GUCY1B1: variants seen among roughly 807,000 people sequenced by gnomAD.
GUCY1B1 encodes guanylate cyclase soluble subunit beta-1.
A neutral mutation model predicts 71.0 loss-of-function variants in GUCY1B1; 43 were observed. The observed-to-expected ratio is 0.61, with a 90% CI of 0.47 to 0.78. GUCY1B1 has a LOEUF of 0.78. Among genes scored for constraint, GUCY1B1 ranks in the 30% least tolerant of loss-of-function variants. The probability of loss-of-function intolerance (pLI) is 0.00; values close to 1 mark genes in which losing one functional copy is unlikely to be tolerated. For missense variants in GUCY1B1, 535 were observed against 754.1 expected (o/e 0.71, Z 3.40); for synonymous variants, 266 against 259.7 (o/e 1.02, Z -0.23).
intron 4 of GUCY1B1, among the ~76,000 whole-genome samples, chr4:155,785,849 T>C (rs1306296266): frequency 1.3e-5 from 2 of 152,194 alleles, no homozygotes; most frequent in African/African-American, 4.8e-5. Flanking sequence ...TCTTTTATGA[T>C]TCAGGAGAGC....
chr4:155,790,634 CA>C (rs1473455520), intron 5 of GUCY1B1, among the ~76,000 whole-genome samples: 2 of 152,076 alleles, frequency 1.3e-5, no homozygotes, highest in African/African-American at 4.8e-5. Context: ...AACTTGAGGC[CA>C]AAGTGGGGAG....
At chr4:155,768,463 T>G (rs914861387) in intron 2 of GUCY1B1, among the ~76,000 whole-genome samples, 32 of 151,142 alleles carry the variant, frequency 2.1e-4, no homozygotes, top group South Asian at 6.2e-4. Context: ...TTTGTTTTTT[T>G]TTTTTTTTTT....
chr4:155,768,772 C>T (rs961451340), intron 2 of GUCY1B1, among the ~76,000 whole-genome samples: 4 of 152,104 alleles, frequency 2.6e-5, no homozygotes, highest in African/African-American at 7.2e-5. Context: ...GAAACTATTT[C>T]ACTTATACGT....
At chr4:155,773,879 C>T (rs926197427) in intron 2 of GUCY1B1, among the ~76,000 whole-genome samples, 19 of 152,096 alleles carry the variant, frequency 1.2e-4, no homozygotes, top group Admixed American at 8.5e-4. Flanking sequence ...AGCAGAGAGA[C>T]GGTTTCACCG....
At chr4:155,786,465 T>C (rs1231389665) in intron 4 of GUCY1B1, among the ~76,000 whole-genome samples, 6 of 102,096 alleles carry the variant, frequency 5.9e-5, no homozygotes, top group East Asian at 5.4e-4. Context: ...TTCTTTCTTT[T>C]TTTTTTTTTT....
At chr4:155,782,145 G>T (rs967123739) in intron 4 of GUCY1B1, among the ~76,000 whole-genome samples, 3 of 151,932 alleles carry the variant, frequency 2.0e-5, no homozygotes, top group Non-Finnish European at 2.9e-5. Context: ...GCGCAGTCTC[G>T]GCTCACTGCA....
In GUCY1B1 at chr4:155,806,668, A is replaced by T; in HGVS notation, c.*259A>T. 2.5e-6 allele frequency: 1 copy of T among 398,036 alleles called. No homozygotes were observed. The highest frequency in any genetic ancestry group is 4.5e-6 in the Non-Finnish European group (1 of 223,542). The allele number at this position is 398,036 out of a possible 1,614,324, so 24.7% of individuals were successfully genotyped here. A position where few individuals can be genotyped will look rare whatever the true frequency, so the allele number is the denominator to read the frequency against. The stretch of plus-strand genomic sequence containing the variant: ...TGATGTGAGCTTCATGTGTCTTAAA[A>T]TCTACTACAAGCATTACCTAACATG... On this transcript the variant is annotated 3_prime_UTR_variant, in exon 14 of 14. Coordinates refer to ENST00000264424, the MANE Select transcript of GUCY1B1 (RefSeq NM_000857.5).
chr4:155,764,958 T>C (rs1737231485), intron 2 of GUCY1B1, among the ~76,000 whole-genome samples: 1 of 152,146 alleles, frequency 6.6e-6, no homozygotes, highest in African/African-American at 2.4e-5. Context: ...GTTCTGATGA[T>C]CTGAGGTATC....
At chr4:155,799,000 G>A (rs960069627) in intron 8 of GUCY1B1, among the ~76,000 whole-genome samples, 1 of 152,032 alleles carries the variant, frequency 6.6e-6, no homozygotes, top group Admixed American at 6.6e-5. Flanking sequence ...ACCACACCCA[G>A]CTCATTTTTG....
intron 2 of GUCY1B1, among the ~76,000 whole-genome samples, chr4:155,767,635 G>A (rs900842966): frequency 2.0e-5 from 3 of 152,052 alleles, no homozygotes; most frequent in South Asian, 2.1e-4. Flanking sequence ...GACATGAAAG[G>A]ACTGACCTTT....
Position 155,802,478 on chromosome 4 carries a change from G to A in GUCY1B1, c.1312G>A (p.Ala438Thr). The A allele has an allele frequency of 6.2e-7, 1 of 1,613,680 alleles. No homozygotes were observed. Among genetic ancestry groups the A allele is most frequent in the Non-Finnish European group, 8.5e-7 (1 of 1,179,690 alleles). Residue 438 changes from alanine (A) to threonine (T), a missense_variant, in exon 10 of 14, where the codon GCA becomes ACA. Transcript: ENST00000264424. This position sits in a 1 kb window ranked among gnomAD's most constrained non-coding sequence, Gnocchi z 4.3. ...VGFNAFCSKH[A>T]SGEGAMKIVN... The stretch of plus-strand genomic sequence containing the variant: ...CTTCAATGCTTTCTGTAGCAAGCAT[G>A]CATCTGGAGAAGGAGCCATGAAGAT...
intron 3 of GUCY1B1, 66 bp from the exon 4 acceptor site, chr4:155,777,458 A>AT (rs918138119): frequency 8.1e-6 from 7 of 866,524 alleles, no homozygotes; most frequent in South Asian, 2.8e-5. Flanking sequence ...ACTTATCTTC[A>AT]TTTTTTCTAT....
intron 3 of GUCY1B1, among the ~76,000 whole-genome samples, chr4:155,776,794 T>G (rs965509929): frequency 6.6e-6 from 1 of 152,166 alleles, no homozygotes; most frequent in Non-Finnish European, 1.5e-5. Context: ...AATATACATA[T>G]TTATATAAAG....
intron 4 of GUCY1B1, among the ~76,000 whole-genome samples, chr4:155,783,576 C>T (rs1738576588): frequency 6.6e-6 from 1 of 152,168 alleles, no homozygotes; most frequent in Admixed American, 6.5e-5. Flanking sequence ...AGTTTATCAA[C>T]TAGCGCCTCT....
At chr4:155,795,559 T>G (rs1739493440) in intron 7 of GUCY1B1, 102 bp downstream of exon 7, 2 of 591,614 alleles carry the variant, frequency 3.4e-6, no homozygotes, top group South Asian at 2.5e-5. Context: ...TATAGAGAGA[T>G]AAAACCCAGA....
At chr4:155,793,070 A>G (rs922774800) in intron 5 of GUCY1B1, among the ~76,000 whole-genome samples, 8 of 151,848 alleles carry the variant, frequency 5.3e-5, no homozygotes, top group Non-Finnish European at 1.0e-4. Flanking sequence ...CCAATTTAAT[A>G]TTGTAACTTT....
intron 2 of GUCY1B1, among the ~76,000 whole-genome samples, chr4:155,772,948 G>A (rs1461982880): frequency 6.6e-6 from 1 of 152,198 alleles, no homozygotes; most frequent in East Asian, 1.9e-4. Flanking sequence ...CCACCATTTG[G>A]AATTTTTCCC....
intron 9 of GUCY1B1, among the ~76,000 whole-genome samples, chr4:155,801,537 G>C (rs191714080): frequency 6.6e-6 from 1 of 152,256 alleles, no homozygotes; most frequent in East Asian, 1.9e-4. Context: ...GAAAAACATT[G>C]AGAGCTCAGC....
intron 4 of GUCY1B1, among the ~76,000 whole-genome samples, chr4:155,779,954 T>G (rs1738298870): frequency 6.6e-6 from 1 of 152,186 alleles, no homozygotes; most frequent in East Asian, 1.9e-4. Context: ...CTTTGGGAAT[T>G]CTGCCACTTT....
Sources: allele counts gnomAD v4.1 joint callset (sites outside exome capture counted in the v4.1 genomes callset), GRCh38; gene constraint gnomAD v4.1.1; non-coding constraint Gnocchi (gnomAD v3.1); transcripts MANE v1.5; gene names NCBI Gene and HGNC (gene_info 2026-07-23, HGNC 2026-07-21).